The following TMEM132D variants were observed in gnomAD, a reference collection of about 807,000 sequenced individuals.
TMEM132D encodes the protein mature OL transmembrane protein.
TMEM132D carries 21 observed loss-of-function variants against 62.3 expected under a neutral mutation model. The ratio of observed to expected loss-of-function variants is 0.34; its 90% confidence interval spans 0.24 to 0.49. TMEM132D has a LOEUF of 0.49. Among genes scored for constraint, TMEM132D ranks in the 20% least tolerant of loss-of-function variants. The pLI, the probability that TMEM132D is intolerant of heterozygous loss-of-function variation, is 0.99. For missense variants in TMEM132D, 1,346 were observed against 1,402.8 expected (o/e 0.96, Z 0.65); for synonymous variants, 621 against 575.6 (o/e 1.08, Z -1.13).
At chr12:129,715,755 A>T (rs1868548491) in intron 1 of TMEM132D, among the ~76,000 whole-genome samples, 1 of 152,230 alleles carries the variant, frequency 6.6e-6, no homozygotes, top group Admixed American at 6.5e-5. Flanking sequence ...TCTATATGAG[A>T]TTCATGATTT....
At chr12:129,110,653 G>A (rs1875666350) in intron 5 of TMEM132D, 1 of 152,296 alleles carries the variant, frequency 6.6e-6, no homozygotes, top group African/African-American at 2.4e-5. Flanking sequence ...GGGCAGAGGA[G>A]CTGCCAGGGG....
chr12:129,079,375 A>G (rs1874382881), intron 7 of TMEM132D, among the ~76,000 whole-genome samples: 1 of 152,172 alleles, frequency 6.6e-6, no homozygotes, highest in Non-Finnish European at 1.5e-5. Flanking sequence ...TGATGCCCAC[A>G]ACCCAAAGCC....
chr12:129,516,530 T>C (rs959482976), intron 3 of TMEM132D, among the ~76,000 whole-genome samples: 2 of 152,142 alleles, frequency 1.3e-5, no homozygotes, highest in Non-Finnish European at 2.9e-5. Flanking sequence ...GGCTTCCCCT[T>C]ATAATACCAT....
chr12:129,139,900 G>T (rs1344036987), intron 5 of TMEM132D, among the ~76,000 whole-genome samples: 1 of 151,110 alleles, frequency 6.6e-6, no homozygotes, highest in African/African-American at 2.4e-5. Context: ...TTTTTTTGTA[G>T]AGACAGTGTT....
chr12:129,323,205 T>C (rs1387860275), intron 4 of TMEM132D, among the ~76,000 whole-genome samples: 1 of 152,204 alleles, frequency 6.6e-6, no homozygotes, highest in East Asian at 1.9e-4. Context: ...GGCATTAAAA[T>C]GTCCCTTCTT....
In TMEM132D at chr12:129,903,136, C is replaced by A; in HGVS notation, c.79+125G>T. On this transcript the variant is annotated intron_variant, in intron 1 of 8. Coordinates refer to ENST00000422113, the MANE Select transcript of TMEM132D (RefSeq NM_133448.3). The surrounding 1 kb of genome is among the most constrained non-coding windows in gnomAD (Gnocchi z 6.2). ...TCACACGCGCGCACACACACATGCA[C>A]ACAAGCGCGCACACACACTTGCACA... is the stretch of plus-strand genomic sequence containing the variant. 1 of 1,046,738 alleles carries A rather than the reference C, an allele frequency of 9.6e-7. No individual in the cohort carries two copies. The highest frequency in any genetic ancestry group is 1.4e-6 in the Non-Finnish European group (1 of 709,440). The allele number at this position is 1,046,738 out of a possible 1,614,324, so 64.8% of individuals were successfully genotyped here.
intron 4 of TMEM132D, among the ~76,000 whole-genome samples, chr12:129,291,594 A>T (rs1881447947): frequency 6.6e-6 from 1 of 152,198 alleles, no homozygotes; most frequent in African/African-American, 2.4e-5. Flanking sequence ...AAATGTCTGT[A>T]AAATTTGGAA....
chr12:129,778,958 G>T (rs1437857649), intron 1 of TMEM132D, among the ~76,000 whole-genome samples: 1 of 152,186 alleles, frequency 6.6e-6, no homozygotes, highest in Admixed American at 6.5e-5. Flanking sequence ...CGGAACAGCA[G>T]CTTAAAAAAG....
At chr12:129,610,137 G>T (rs530440734) in intron 2 of TMEM132D, among the ~76,000 whole-genome samples, 1 of 152,118 alleles carries the variant, frequency 6.6e-6, no homozygotes, top group Non-Finnish European at 1.5e-5. Flanking sequence ...TGGGTGTGGT[G>T]GTGGGTGCCT....
At chr12:129,456,746 C>G (rs1873483140) in intron 3 of TMEM132D, among the ~76,000 whole-genome samples, 1 of 152,200 alleles carries the variant, frequency 6.6e-6, no homozygotes, top group African/African-American at 2.4e-5. Flanking sequence ...TCCCAGTCCA[C>G]TCTTGTTTTC....
chr12:129,807,367 C>T (rs1282739813), intron 1 of TMEM132D, among the ~76,000 whole-genome samples: 3 of 152,120 alleles, frequency 2.0e-5, no homozygotes, highest in Non-Finnish European at 2.9e-5. Context: ...TCAATGTCTC[C>T]CCCAGGTGGC....
At chr12:129,829,909 C>G (rs1232002355) in intron 1 of TMEM132D, among the ~76,000 whole-genome samples, 2 of 152,170 alleles carry the variant, frequency 1.3e-5, no homozygotes, top group African/African-American at 4.8e-5. Flanking sequence ...CCAACTGAAT[C>G]AAATCTCCAG....
intron 5 of TMEM132D, among the ~76,000 whole-genome samples, chr12:129,106,762 CCT>C (rs1875514790): frequency 1.3e-5 from 2 of 152,140 alleles, no homozygotes; most frequent in Non-Finnish European, 1.5e-5. Context: ...ATGGGTGTCA[CCT>C]CTGATTGGAA....
chr12:129,713,450 T>C (rs994321947), intron 1 of TMEM132D, among the ~76,000 whole-genome samples: 14 of 152,108 alleles, frequency 9.2e-5, no homozygotes, highest in Admixed American at 2.0e-4. Flanking sequence ...AAGTAGTGTA[T>C]GCAAAGGAGC....
Position 129,725,739 on chromosome 12 carries a change from A to T in TMEM132D, c.80-25041T>A, listed in dbSNP as rs184166236. 2.0e-5 allele frequency among the ~76,000 whole-genome samples: 3 copies of T among 152,248 alleles called. 1 individual carries two copies. The highest frequency in any genetic ancestry group is 7.2e-5 in the African/African-American group (3 of 41,468). ...ATGGAGAACCACTATTTTATTTCCA[A>T]TGGATAAGGCAGGCATCTGCACAGA... On this transcript the variant is annotated intron_variant, in intron 1 of 8. Coordinates refer to ENST00000422113, the MANE Select transcript of TMEM132D (RefSeq NM_133448.3).
chr12:129,841,043 T>A (rs989422828), intron 1 of TMEM132D, among the ~76,000 whole-genome samples: 1 of 152,172 alleles, frequency 6.6e-6, no homozygotes, highest in African/African-American at 2.4e-5. Flanking sequence ...TATTCAACTT[T>A]GTCACAATAA....
intron 4 of TMEM132D, among the ~76,000 whole-genome samples, chr12:129,231,925 C>T (rs75616088): frequency 0.023 from 3,578 of 152,316 alleles, 121 homozygotes; most frequent in East Asian, 0.13. Flanking sequence ...GACAAAATTT[C>T]AATGCCTTGG....
chr12:129,696,220 T>G (rs973339063), intron 2 of TMEM132D, among the ~76,000 whole-genome samples: 2 of 152,196 alleles, frequency 1.3e-5, no homozygotes, highest in Non-Finnish European at 2.9e-5. Context: ...ACACTTGTAT[T>G]TTATTCTCTT....
chr12:129,826,758 G>A (rs1872674013), intron 1 of TMEM132D, among the ~76,000 whole-genome samples: 1 of 152,208 alleles, frequency 6.6e-6, no homozygotes, highest in Admixed American at 6.5e-5. Context: ...TGGACTAGCA[G>A]GGTCAGAGGC....
Sources: allele counts gnomAD v4.1 joint callset (sites outside exome capture counted in the v4.1 genomes callset), GRCh38; gene constraint gnomAD v4.1.1; non-coding constraint Gnocchi (gnomAD v3.1); transcripts MANE v1.5; gene names NCBI Gene and HGNC (gene_info 2026-07-23, HGNC 2026-07-21).